Variants in ARHGAP18 observed in about 807,000 individuals in gnomAD.
ARHGAP18 encodes the protein Rho GTPase activating protein 18.
Under a neutral mutation model 86.2 loss-of-function variants are expected in ARHGAP18, and 67 were observed. The ratio of observed to expected loss-of-function variants is 0.78; its 90% confidence interval spans 0.64 to 0.95. The LOEUF (loss-of-function observed/expected upper bound fraction) is 0.95. Among genes scored for constraint, ARHGAP18 ranks in the 40% least tolerant of loss-of-function variants. ARHGAP18 has a pLI of 0.00. For synonymous variants in ARHGAP18, 283 were observed against 280.4 expected (o/e 1.01, Z -0.09); for missense variants, 691 against 780.4 (o/e 0.89, Z 1.37).
At chr6:129,684,283 T>TC in intron 1 of ARHGAP18, among the ~76,000 whole-genome samples, 1 of 152,354 alleles carries the variant, frequency 6.6e-6, no homozygotes, top group Admixed American at 6.5e-5. Context: ...CGTTCTGTAT[T>TC]CAGTACCCTA....
intron 1 of ARHGAP18, among the ~76,000 whole-genome samples, chr6:129,706,044 A>G (rs1187952782): frequency 6.6e-6 from 1 of 152,208 alleles, no homozygotes; most frequent in Non-Finnish European, 1.5e-5. Context: ...AGGCATAAAA[A>G]TATCTCACTC....
chr6:129,685,635 T>C (rs1185956504), intron 1 of ARHGAP18, among the ~76,000 whole-genome samples: 3 of 152,200 alleles, frequency 2.0e-5, no homozygotes, highest in Admixed American at 6.5e-5. Flanking sequence ...TAAAAAGAGA[T>C]GTCAAAAAAG....
At chr6:129,677,273 G>T (rs547282841) in intron 1 of ARHGAP18, among the ~76,000 whole-genome samples, 15 of 152,168 alleles carry the variant, frequency 9.9e-5, no homozygotes, top group South Asian at 4.2e-4. Context: ...GACGCCTGTA[G>T]TCTCAGCTAC....
At chr6:129,666,483 A>G (rs1562717573) in intron 1 of ARHGAP18, among the ~76,000 whole-genome samples, 1 of 152,190 alleles carries the variant, frequency 6.6e-6, no homozygotes, top group African/African-American at 2.4e-5. Context: ...CACAGGGCCA[A>G]TGGTATACAG....
intron 12 of ARHGAP18, among the ~76,000 whole-genome samples, chr6:129,592,117 T>C: frequency 6.6e-6 from 1 of 152,344 alleles, no homozygotes; most frequent in South Asian, 2.1e-4. Flanking sequence ...TTTAATGTGG[T>C]ATTTTTATGC....
intron 5 of ARHGAP18, among the ~76,000 whole-genome samples, chr6:129,624,030 A>G (rs1160271440): frequency 6.6e-6 from 1 of 152,194 alleles, no homozygotes; most frequent in East Asian, 1.9e-4. Context: ...TTAAGAAGGT[A>G]GGTGAAGGTA....
chr6:129,581,278 T>C, intron 13 of ARHGAP18, among the ~76,000 whole-genome samples: 1 of 152,200 alleles, frequency 6.6e-6, no homozygotes, highest in East Asian at 1.9e-4. Flanking sequence ...CTCCCTGCCC[T>C]GTGTCCCTGG....
chr6:129,611,643 G>GT lies in ARHGAP18; in HGVS notation c.1045-34dup, dbSNP rs1439841367. ...TAAACAGAGAAACATTCTAATTTCC[G>GT]TATTTGTAACAGGTACAATTCCGAA... On this transcript the variant is annotated intron_variant, in intron 7 of 14. Coordinates refer to ENST00000368149, the MANE Select transcript of ARHGAP18 (RefSeq NM_033515.3). The GT allele has an allele frequency of 1.9e-6, 3 of 1,583,332 alleles. No individual in the cohort carries two copies. The African/African-American group carries it at 4.0e-5, about 21-fold the overall frequency.
At chr6:129,600,072 C>T (rs1208215906) in intron 11 of ARHGAP18, among the ~76,000 whole-genome samples, 3 of 152,034 alleles carry the variant, frequency 2.0e-5, no homozygotes, top group Non-Finnish European at 1.5e-5. Flanking sequence ...TGTTTGGAAG[C>T]TCCTCAAATA....
At chr6:129,676,915 C>CTTTTTTTTTTTTTTTTTTTTTTT (rs10688716) in intron 1 of ARHGAP18, among the ~76,000 whole-genome samples, 3 of 37,958 alleles carry the variant, frequency 7.9e-5, no homozygotes, top group African/African-American at 2.1e-4. Context: ...TTTTTGTCCT[C>CTTTTTTTTTTTTTTTTTTTTTTT]TTTTTTTTTT....
At chr6:129,685,273 G>A (rs1311758707) in intron 1 of ARHGAP18, among the ~76,000 whole-genome samples, 3 of 152,116 alleles carry the variant, frequency 2.0e-5, no homozygotes, top group Non-Finnish European at 4.4e-5. Flanking sequence ...TTGGGAGACC[G>A]AGGTGGGCGG....
chr6:129,607,065 G>A (rs1400289347), intron 9 of ARHGAP18, among the ~76,000 whole-genome samples: 3 of 151,902 alleles, frequency 2.0e-5, no homozygotes, highest in African/African-American at 4.8e-5. Context: ...TCACCATATT[G>A]GCCAGGTTGG....
intron 1 of ARHGAP18, among the ~76,000 whole-genome samples, chr6:129,668,197 T>TA (rs1348984247): frequency 6.6e-6 from 1 of 152,194 alleles, no homozygotes; most frequent in Non-Finnish European, 1.5e-5. Context: ...TCTCTAGAGA[T>TA]AATGTTTCCC....
intron 1 of ARHGAP18, among the ~76,000 whole-genome samples, chr6:129,655,488 C>T (rs541934778): frequency 6.6e-6 from 1 of 152,144 alleles, no homozygotes; most frequent in Non-Finnish European, 1.5e-5. Context: ...GTGTAGATGA[C>T]AGCATCAAAA....
In ARHGAP18 at chr6:129,577,969, G is replaced by A. The variant is rs566154372; in HGVS notation, c.*544C>T. 1 of 152,246 alleles carries A rather than the reference G, an allele frequency of 6.6e-6. No homozygotes were observed. The highest frequency in any genetic ancestry group is 2.1e-4 in the South Asian group (1 of 4,828). 9.4% of individuals were successfully genotyped at this position (152,246 alleles called of 1,614,324 possible). ...GAAAAGGTGGAATGTTATTATTTGA[G>A]CAAATGATTCAAAGAGATGAATACT... On this transcript the variant is annotated 3_prime_UTR_variant, in exon 15 of 15. Coordinates refer to ENST00000368149, the MANE Select transcript of ARHGAP18 (RefSeq NM_033515.3).
rs904377675 is a variant in ARHGAP18, at chr6:129,641,789, C to T, written c.316+27G>A. 4.4e-6 allele frequency: 7 copies of T among 1,588,346 alleles called. No homozygotes were observed. In the African/African-American group the frequency reaches 9.5e-5, roughly 21 times the overall value. ...TTCCTATAAATACATATACAAACAA[C>T]AAAAGCTTTATTTAGTTAGTTATTA... On this transcript the variant is annotated intron_variant, in intron 2 of 14. Coordinates refer to ENST00000368149, the MANE Select transcript of ARHGAP18 (RefSeq NM_033515.3).
intron 1 of ARHGAP18, among the ~76,000 whole-genome samples, chr6:129,689,143 G>A (rs1489044691): frequency 6.6e-6 from 1 of 152,062 alleles, no homozygotes; most frequent in African/African-American, 2.4e-5. Context: ...GATCATCTCT[G>A]AGGCCTTGTC....
At chr6:129,678,836 G>A (rs1774277847) in intron 1 of ARHGAP18, among the ~76,000 whole-genome samples, 1 of 152,084 alleles carries the variant, frequency 6.6e-6, no homozygotes, top group East Asian at 1.9e-4. Context: ...AAAATAAAAA[G>A]TTGAGGAAAC....
At chr6:129,689,385 C>A (rs944356870) in intron 1 of ARHGAP18, among the ~76,000 whole-genome samples, 7 of 152,082 alleles carry the variant, frequency 4.6e-5, no homozygotes, top group African/African-American at 1.7e-4. Context: ...TCTCTGCCTC[C>A]CGGGTCAAGC....
Sources: allele counts gnomAD v4.1 joint callset (sites outside exome capture counted in the v4.1 genomes callset), GRCh38; gene constraint gnomAD v4.1.1; transcripts MANE v1.5; gene names NCBI Gene and HGNC (gene_info 2026-07-23, HGNC 2026-07-21).